Variants in PRELID2 observed in about 807,000 individuals in gnomAD.
PRELID2 encodes the protein PRELI domain containing 2.
In PRELID2, 25 loss-of-function variants were observed where a neutral mutation model predicts 28.4. The ratio of observed to expected loss-of-function variants is 0.88; its 90% CI spans 0.64 to 1.23. The LOEUF (loss-of-function observed/expected upper bound fraction) is 1.23, where lower values mean the gene tolerates loss of function less well. Among genes scored for constraint, PRELID2 ranks in the 50% most tolerant of loss-of-function variants. PRELID2 has a pLI of 0.00. For synonymous variants in PRELID2, 76 were observed against 71.6 expected, an observed-to-expected ratio of 1.06 and a Z score of -0.31; for missense variants, 201 against 214.4, an observed-to-expected ratio of 0.94 and a Z score of 0.39.
the PRELID2 span, among the ~76,000 whole-genome samples, chr5:145,396,415 T>C: frequency 9.9e-5 from 15 of 151,450 alleles, no homozygotes; most frequent in African/African-American, 3.6e-4. Flanking sequence ...TTTCAGGCTG[T>C]AATTTGCCTG....
intron 6 of PRELID2, among the ~76,000 whole-genome samples, chr5:145,763,237 T>C (rs1757558218): frequency 6.6e-6 from 1 of 152,192 alleles, no homozygotes. Context: ...AGCATGCAAG[T>C]ACAAGAGGTG....
intron 2 of PRELID2, among the ~76,000 whole-genome samples, chr5:145,821,357 TTG>T (rs143970672): frequency 1.4e-5 from 2 of 142,114 alleles, no homozygotes; most frequent in Non-Finnish European, 3.1e-5. Context: ...GCCCTCGTGT[TTG>T]TGTGTGTGTG....
chr5:145,621,082 T>G (rs1247312749), intron 1 of PRELID2, among the ~76,000 whole-genome samples: 1 of 152,174 alleles, frequency 6.6e-6, no homozygotes, highest in Non-Finnish European at 1.5e-5. Flanking sequence ...CTCTTACTAC[T>G]CAGTAAAAAG....
chr5:145,588,613 G>A (rs932703440), intron 1 of PRELID2, among the ~76,000 whole-genome samples: 2 of 152,138 alleles, frequency 1.3e-5, no homozygotes, highest in Non-Finnish European at 2.9e-5. Flanking sequence ...ATAATTGAGA[G>A]AGGGTGCACA....
intron 1 of PRELID2, among the ~76,000 whole-genome samples, chr5:145,737,791 G>C (rs1174658089): frequency 6.6e-6 from 1 of 152,164 alleles, no homozygotes; most frequent in Non-Finnish European, 1.5e-5. Flanking sequence ...GGAGGGCAGG[G>C]GGCCAATCCT....
At chr5:145,790,155 G>A (rs140301063) in intron 5 of PRELID2, among the ~76,000 whole-genome samples, 214 of 152,182 alleles carry the variant, frequency 1.4e-3, no homozygotes, top group African/African-American at 4.7e-3. Context: ...GTATTTATCC[G>A]AAGAATTGGG....
chr5:145,239,788 G>A, the PRELID2 span, among the ~76,000 whole-genome samples: 959 of 152,012 alleles, frequency 6.3e-3, 8 homozygotes, highest in African/African-American at 0.021. Flanking sequence ...TCTGATGAAT[G>A]GACCCTTATA....
the PRELID2 span, among the ~76,000 whole-genome samples, chr5:145,362,298 T>TG: frequency 6.6e-6 from 1 of 152,150 alleles, no homozygotes; most frequent in Non-Finnish European, 1.5e-5. Flanking sequence ...TTCTCTTCAG[T>TG]GTCCTCATAC....
chr5:145,382,168 A>G, the PRELID2 span, among the ~76,000 whole-genome samples: 1 of 152,040 alleles, frequency 6.6e-6, no homozygotes, highest in African/African-American at 2.4e-5. Flanking sequence ...CAGCACAGAA[A>G]GAATTAGTTA....
chr5:145,257,404 G>T, the PRELID2 span, among the ~76,000 whole-genome samples: 2 of 151,304 alleles, frequency 1.3e-5, no homozygotes, highest in Admixed American at 1.3e-4. Context: ...CAAAAGAGAA[G>T]ATAAAAATGA....
chr5:145,294,019 G>A, the PRELID2 span, among the ~76,000 whole-genome samples: 3 of 152,054 alleles, frequency 2.0e-5, no homozygotes, highest in Non-Finnish European at 4.4e-5. Flanking sequence ...AGGAATCTTA[G>A]GGCCAGTATC....
In PRELID2 at chr5:145,720,683, CTT is replaced by C. The variant is rs113926057; in HGVS notation, n.70+44246_70+44247del. ...TAGGTAAAAGGGTTAATAGTGAGGA[CTT>C]AATACATATAATTTTAGATTTAAGA... On this transcript the variant is annotated intron_variant and non_coding_transcript_variant, in intron 1 of 2. Coordinates refer to the PRELID2 transcript ENST00000510259. 1.6e-3 allele frequency among the ~76,000 whole-genome samples: 250 copies of C among 151,838 alleles called. 2 individuals are homozygous for C. Among genetic ancestry groups the C allele is most frequent in the African/African-American group, 5.5e-3 (230 of 41,444 alleles).
In PRELID2 at chr5:145,578,448, T is replaced by C. The variant is rs191172992; in HGVS notation, n.71-105133A>G. Among the ~76,000 whole-genome samples, 793 of 152,110 alleles carry C rather than the reference T, an allele frequency of 5.2e-3. 4 individuals are homozygous for C. Among genetic ancestry groups the C allele is most frequent in the Middle Eastern group, 0.014 (4 of 294 alleles). Reference sequence around the variant, plus strand: ...CAGATATGTCTAGCTCCCTTTTTTTTCCCCTGGGTCAAAGGTAAATATGGC... The same window carrying C: ...CAGATATGTCTAGCTCCCTTTTTTTCCCCCTGGGTCAAAGGTAAATATGGC... On this transcript the variant is annotated intron_variant and non_coding_transcript_variant, in intron 1 of 2. Transcript: ENST00000510259.
At chr5:145,490,335 A>T (rs1752258020) in intron 1 of PRELID2, among the ~76,000 whole-genome samples, 1 of 152,194 alleles carries the variant, frequency 6.6e-6, no homozygotes. Flanking sequence ...CTGAACACAC[A>T]AACACACCTG....
At chr5:145,782,846 T>TGAAG (rs1237015061) in intron 5 of PRELID2, among the ~76,000 whole-genome samples, 2 of 152,322 alleles carry the variant, frequency 1.3e-5, no homozygotes, top group Admixed American at 1.3e-4. Flanking sequence ...GGTTAGACAC[T>TGAAG]GAAGGAAGGG....
At chr5:145,494,066 T>C (rs1752289582) in intron 1 of PRELID2, among the ~76,000 whole-genome samples, 1 of 152,184 alleles carries the variant, frequency 6.6e-6, no homozygotes, top group Non-Finnish European at 1.5e-5. Flanking sequence ...CATAACATTT[T>C]ACAAGCATAT....
intron 4 of PRELID2, among the ~76,000 whole-genome samples, chr5:145,809,740 T>C (rs1482887905): frequency 6.6e-6 from 1 of 152,252 alleles, no homozygotes; most frequent in Non-Finnish European, 1.5e-5. Flanking sequence ...TTTGACAACA[T>C]CGTGAATAGG....
At chr5:145,577,153 A>G (rs1753068016) in intron 1 of PRELID2, among the ~76,000 whole-genome samples, 1 of 152,148 alleles carries the variant, frequency 6.6e-6, no homozygotes, top group African/African-American at 2.4e-5. Context: ...ATAAATACCT[A>G]CTTCTTTAAG....
At chr5:145,657,422 A>T (rs1255923325) in intron 1 of PRELID2, among the ~76,000 whole-genome samples, 1 of 152,224 alleles carries the variant, frequency 6.6e-6, no homozygotes, top group Non-Finnish European at 1.5e-5. Context: ...ATCGTGGCTC[A>T]TGCCTGTAAT....
Sources: gnomAD v4.1 joint callset for allele counts (sites outside exome capture counted in the v4.1 genomes callset) on GRCh38, gnomAD v4.1.1 for gene constraint, MANE v1.5 for transcripts, NCBI Gene and HGNC (gene_info 2026-07-23, HGNC 2026-07-21) for gene names.